CSMD1: variants seen among roughly 807,000 people sequenced by gnomAD.
CSMD1 encodes the protein CUB and Sushi multiple domains 1.
Under a neutral mutation model 417.5 loss-of-function variants are expected in CSMD1, and 213 were observed. The observed-to-expected ratio is 0.51, with a 90% CI of 0.46 to 0.57. The LOEUF (loss-of-function observed/expected upper bound fraction) is 0.57, where lower values mean the gene tolerates loss of function less well. CSMD1 is among the 20% of genes least tolerant of loss of function. The pLI is 0.00. For synonymous variants in CSMD1, 2,862 were observed against 1,736.8 expected (o/e 1.65, Z -16.11); for missense variants, 6,923 against 4,529.7 (o/e 1.53, Z -15.17).
In CSMD1 at chr8:4,449,378, G is replaced by A. The variant is rs372079883; in HGVS notation, c.303-29313C>T. 3.5e-4 allele frequency among the ~76,000 whole-genome samples: 54 copies of A among 152,254 alleles called. 1 individual carries two copies. In the South Asian group the frequency reaches 9.7e-3, roughly 27 times the overall value. On this transcript the variant is annotated intron_variant, in intron 2 of 69. Transcript: ENST00000635120. ...TCTTTTTTTCCAGAATGATTCTGGT[G>A]TATAACATAAGAGATACTGTGGCTA... is the stretch of plus-strand genomic sequence containing the variant.
At chr8:3,870,465 G>T (rs558581787) in intron 5 of CSMD1, among the ~76,000 whole-genome samples, 4 of 152,134 alleles carry the variant, frequency 2.6e-5, no homozygotes, top group South Asian at 4.2e-4. Context: ...TTCTCTCAAA[G>T]AAATTATTAG....
intron 7 of CSMD1, among the ~76,000 whole-genome samples, chr8:3,679,654 G>C (rs1004754664): frequency 6.6e-6 from 1 of 152,124 alleles, no homozygotes; most frequent in Non-Finnish European, 1.5e-5. Flanking sequence ...AGGATATCCA[G>C]GAATTGAACT....
chr8:4,828,684 T>C (rs1437565907), intron 1 of CSMD1, among the ~76,000 whole-genome samples: 1 of 152,102 alleles, frequency 6.6e-6, no homozygotes, highest in Admixed American at 6.6e-5. Flanking sequence ...AGAGCCCAGG[T>C]GTGTAAAAGT....
chr8:4,317,318 C>T (rs921027701), intron 3 of CSMD1, among the ~76,000 whole-genome samples: 1 of 152,140 alleles, frequency 6.6e-6, no homozygotes. Context: ...TTCCTGCTTG[C>T]TAACGTGGGG....
intron 3 of CSMD1, among the ~76,000 whole-genome samples, chr8:4,196,560 T>C (rs756938844): frequency 2.0e-5 from 3 of 152,166 alleles, no homozygotes; most frequent in Admixed American, 6.5e-5. Flanking sequence ...CATTCATTTT[T>C]AGCCTCAAAA....
intron 5 of CSMD1, among the ~76,000 whole-genome samples, chr8:3,932,377 G>T (rs1400502260): frequency 6.6e-6 from 1 of 150,514 alleles, no homozygotes; most frequent in African/African-American, 2.5e-5. Context: ...GCACTTGGGT[G>T]TTTTGCTATG....
chr8:4,696,485 C>T (rs1241280585), intron 1 of CSMD1, among the ~76,000 whole-genome samples: 1 of 152,158 alleles, frequency 6.6e-6, no homozygotes, highest in Non-Finnish European at 1.5e-5. Flanking sequence ...GGGACGGGAA[C>T]TTCAGAGATC....
At chr8:4,022,933 G>C (rs560184667) in intron 4 of CSMD1, among the ~76,000 whole-genome samples, 14 of 152,292 alleles carry the variant, frequency 9.2e-5, no homozygotes, top group Non-Finnish European at 1.5e-4. Flanking sequence ...TAAGTAATGA[G>C]AGAAAAATAA....
chr8:4,873,042 G>C (rs573981973), intron 1 of CSMD1, among the ~76,000 whole-genome samples: 15 of 151,968 alleles, frequency 9.9e-5, no homozygotes, highest in African/African-American at 3.6e-4. Context: ...ACCACAAATC[G>C]TATATATTTA....
intron 5 of CSMD1, among the ~76,000 whole-genome samples, chr8:3,935,060 G>C (rs118098203): frequency 1.3e-5 from 2 of 152,008 alleles, no homozygotes; most frequent in East Asian, 1.9e-4. Flanking sequence ...CATTGCACTG[G>C]CTTCATAACT....
chr8:3,425,022 A>G (rs1813737818), intron 12 of CSMD1, among the ~76,000 whole-genome samples: 1 of 152,062 alleles, frequency 6.6e-6, no homozygotes, highest in Non-Finnish European at 1.5e-5. Flanking sequence ...TTACTTTTGT[A>G]GAGACAGGGG....
intron 10 of CSMD1, among the ~76,000 whole-genome samples, chr8:3,501,268 A>G (rs1018929651): frequency 2.0e-5 from 3 of 152,144 alleles, no homozygotes; most frequent in African/African-American, 7.2e-5. Flanking sequence ...GCACAGAAAC[A>G]CACATGCACA....
At chr8:3,226,247 A>AT (rs1161611726) in intron 27 of CSMD1, among the ~76,000 whole-genome samples, 1 of 152,166 alleles carries the variant, frequency 6.6e-6, no homozygotes, top group Middle Eastern at 3.2e-3. Context: ...ATTGCAGGCT[A>AT]TATAAGATAA....
At chr8:3,528,202 C>T (rs1277278249) in intron 10 of CSMD1, among the ~76,000 whole-genome samples, 1 of 152,180 alleles carries the variant, frequency 6.6e-6, no homozygotes, top group African/African-American at 2.4e-5. Context: ...GATTTTGTTG[C>T]ACAAATATTA....
At chr8:4,976,636 T>C (rs764081055) in intron 1 of CSMD1, among the ~76,000 whole-genome samples, 5 of 152,204 alleles carry the variant, frequency 3.3e-5, no homozygotes, top group Admixed American at 2.0e-4. Context: ...CTAAACTCAT[T>C]TGCTATGACC....
At chr8:4,353,930 A>C (rs1296865483) in intron 3 of CSMD1, among the ~76,000 whole-genome samples, 1 of 152,110 alleles carries the variant, frequency 6.6e-6, no homozygotes, top group Non-Finnish European at 1.5e-5. Context: ...TGTTCATTTG[A>C]GGTATATTAG....
intron 3 of CSMD1, among the ~76,000 whole-genome samples, chr8:4,353,905 G>C (rs534306745): frequency 1.3e-5 from 2 of 152,290 alleles, no homozygotes; most frequent in African/African-American, 4.8e-5. Flanking sequence ...TGTTCAGCAA[G>C]CTGTTTTTAC....
chr8:4,959,556 G>A (rs545574399), intron 1 of CSMD1, among the ~76,000 whole-genome samples: 1 of 152,354 alleles, frequency 6.6e-6, no homozygotes, highest in Non-Finnish European at 1.5e-5. Flanking sequence ...TCTGGTCACG[G>A]CACTATAATT....
intron 50 of CSMD1, among the ~76,000 whole-genome samples, chr8:3,035,474 C>G (rs1485695889): frequency 1.3e-5 from 2 of 152,152 alleles, no homozygotes; most frequent in Non-Finnish European, 2.9e-5. Flanking sequence ...GTGTTTCTGA[C>G]TTGTCACTTT....
Sources: allele counts gnomAD v4.1 joint callset (sites outside exome capture counted in the v4.1 genomes callset), GRCh38; gene constraint gnomAD v4.1.1; transcripts MANE v1.5; gene names NCBI Gene and HGNC (gene_info 2026-07-23, HGNC 2026-07-21).